Variants in RBFOX1 observed in about 807,000 individuals in gnomAD.
The protein encoded by RBFOX1 is RNA binding fox-1 homolog 1.
In RBFOX1, 8 loss-of-function variants were observed where a neutral mutation model predicts 57.7. The observed-to-expected ratio is 0.14, with a 90% CI of 0.08 to 0.25. The LOEUF is 0.25. Ranked by LOEUF, RBFOX1 falls within the 10% of genes least tolerant of loss-of-function variation. The probability of loss-of-function intolerance (pLI) is 1.00; values close to 1 mark genes in which losing one functional copy is unlikely to be tolerated. For synonymous variants in RBFOX1, 326 were observed against 222.4 expected (o/e 1.47, Z -4.15); for missense variants, 611 against 548.5 (o/e 1.11, Z -1.14).
intron 3 of RBFOX1, among the ~76,000 whole-genome samples, chr16:6,926,845 C>G (rs963733628): frequency 1.3e-5 from 2 of 152,252 alleles, no homozygotes; most frequent in Non-Finnish European, 1.5e-5. Flanking sequence ...AATACATAAA[C>G]ATCCACGTGA....
At chr16:7,316,989 C>CACACACAA (rs1555702584) in intron 4 of RBFOX1, among the ~76,000 whole-genome samples, 3 of 151,542 alleles carry the variant, frequency 2.0e-5, no homozygotes, top group Non-Finnish European at 4.4e-5. Flanking sequence ...CACACACAAA[C>CACACACAA]ACACACACAC....
At chr16:5,285,234 AT>A (rs2063363802) in intron 1 of RBFOX1, among the ~76,000 whole-genome samples, 1 of 152,068 alleles carries the variant, frequency 6.6e-6, no homozygotes, top group African/African-American at 2.4e-5. Context: ...GATCTAGTCT[AT>A]TGTTAAAGCT....
chr16:6,996,471 C>A (rs569919226), intron 3 of RBFOX1, among the ~76,000 whole-genome samples: 1 of 152,072 alleles, frequency 6.6e-6, no homozygotes, highest in Admixed American at 6.6e-5. Context: ...GTATATATAT[C>A]CATCCTCCTA....
intron 2 of RBFOX1, among the ~76,000 whole-genome samples, chr16:5,485,999 G>C (rs1212099079): frequency 6.6e-6 from 1 of 152,194 alleles, no homozygotes; most frequent in African/African-American, 2.4e-5. Context: ...CCAGCTCATA[G>C]TCAGAATTCG....
At chr16:7,238,345 A>G (rs997101988) in intron 4 of RBFOX1, among the ~76,000 whole-genome samples, 6 of 147,282 alleles carry the variant, frequency 4.1e-5, no homozygotes, top group African/African-American at 1.3e-4. Context: ...AAATAAATAA[A>G]TAAAATAAAA....
At chr16:5,875,119 T>C (rs1567657054) in intron 4 of RBFOX1, among the ~76,000 whole-genome samples, 1 of 152,152 alleles carries the variant, frequency 6.6e-6, no homozygotes, top group Non-Finnish European at 1.5e-5. Context: ...AACCTTCCCA[T>C]AGCAACAGCA....
rs375848596 is a variant in RBFOX1, at chr16:6,114,260, G to A, written c.-127+94268G>A. On this transcript the variant is annotated intron_variant, in intron 1 of 15. Coordinates refer to ENST00000550418, the MANE Select transcript of RBFOX1 (RefSeq NM_018723.4). ...TGCAATTAAGAGTGATCTCTCATCT[G>A]ATTTCAGTGAGGAAATTCTTCTGTC... is the stretch of plus-strand genomic sequence containing the variant. Among the ~76,000 whole-genome samples the A allele has an allele frequency of 3.3e-5, 5 of 152,182 alleles. No homozygotes were observed. In the East Asian group the frequency reaches 9.6e-4, roughly 29 times the overall value.
intron 4 of RBFOX1, among the ~76,000 whole-genome samples, chr16:7,384,853 G>A (rs1475169272): frequency 6.6e-6 from 1 of 152,182 alleles, no homozygotes; most frequent in Non-Finnish European, 1.5e-5. Flanking sequence ...CTAGTTGAAA[G>A]GAGGCAAACA....
chr16:7,383,640 A>G (rs1465709847), intron 4 of RBFOX1, among the ~76,000 whole-genome samples: 3 of 152,190 alleles, frequency 2.0e-5, no homozygotes, highest in Non-Finnish European at 2.9e-5. Flanking sequence ...TGACACCTTC[A>G]TGATAAATTT....
intron 2 of RBFOX1, among the ~76,000 whole-genome samples, chr16:6,318,973 G>C (rs181626094): frequency 1.3e-5 from 2 of 151,958 alleles, no homozygotes; most frequent in African/African-American, 4.8e-5. Flanking sequence ...AGACCAAGCA[G>C]TCACTTCCTC....
At chr16:6,085,694 A>G (rs557901713) in intron 1 of RBFOX1, among the ~76,000 whole-genome samples, 1 of 148,958 alleles carries the variant, frequency 6.7e-6, no homozygotes, top group Admixed American at 6.7e-5. Flanking sequence ...GCGCGCACGC[A>G]CATGCACGTA....
intron 4 of RBFOX1, among the ~76,000 whole-genome samples, chr16:7,098,779 G>A (rs995707122): frequency 5.3e-5 from 8 of 152,070 alleles, no homozygotes; most frequent in Non-Finnish European, 4.4e-5. Flanking sequence ...GTGAGACCCT[G>A]TGTCTATCTT....
At chr16:6,566,247 G>T (rs944503636) in intron 2 of RBFOX1, among the ~76,000 whole-genome samples, 2 of 152,164 alleles carry the variant, frequency 1.3e-5, no homozygotes, top group Non-Finnish European at 2.9e-5. Context: ...ATCCACCACG[G>T]TGAGAAAAAG....
intron 2 of RBFOX1, among the ~76,000 whole-genome samples, chr16:6,438,915 C>A (rs986798072): frequency 6.6e-6 from 1 of 152,166 alleles, no homozygotes; most frequent in Non-Finnish European, 1.5e-5. Context: ...AATTTTGCAA[C>A]TCATAATATG....
intron 4 of RBFOX1, among the ~76,000 whole-genome samples, chr16:7,490,827 AC>A (rs1207150311): frequency 6.6e-6 from 1 of 152,162 alleles, no homozygotes; most frequent in Non-Finnish European, 1.5e-5. Flanking sequence ...GTCCCATCTT[AC>A]CCAGAAACAG....
At chr16:6,902,050 T>C (rs375596185) in intron 3 of RBFOX1, among the ~76,000 whole-genome samples, 4 of 152,328 alleles carry the variant, frequency 2.6e-5, no homozygotes, top group African/African-American at 4.8e-5. Flanking sequence ...ACCTGACATA[T>C]GGAAATATAA....
chr16:6,721,574 T>G (rs2066000131), intron 3 of RBFOX1, among the ~76,000 whole-genome samples: 1 of 152,230 alleles, frequency 6.6e-6, no homozygotes, highest in Non-Finnish European at 1.5e-5. Flanking sequence ...TTATGTTTGT[T>G]AAATAACAGC....
At chr16:5,790,341 C>G (rs80211408) in intron 3 of RBFOX1, among the ~76,000 whole-genome samples, 3,219 of 152,136 alleles carry the variant, frequency 0.021, 123 homozygotes, top group African/African-American at 0.073. Flanking sequence ...GGGAGAAACC[C>G]CTGCATTTTC....
intron 1 of RBFOX1, among the ~76,000 whole-genome samples, chr16:6,191,253 T>C (rs1260156435): frequency 6.6e-6 from 1 of 151,440 alleles, no homozygotes; most frequent in East Asian, 2.0e-4. Flanking sequence ...AAATGTTCTA[T>C]AAATGAGTTC....
Sources: allele counts gnomAD v4.1 joint callset (sites outside exome capture counted in the v4.1 genomes callset), GRCh38; gene constraint gnomAD v4.1.1; transcripts MANE v1.5; gene names NCBI Gene and HGNC (gene_info 2026-07-23, HGNC 2026-07-21).